KIF20B: variants seen among roughly 807,000 people sequenced by gnomAD.
The protein encoded by KIF20B is kinesin-like protein KIF20B.
Under a neutral mutation model 232.5 loss-of-function variants are expected in KIF20B, and 188 were observed. The ratio of observed to expected loss-of-function variants is 0.81; its 90% CI spans 0.72 to 0.91. The LOEUF is 0.91. Among genes scored for constraint, KIF20B ranks in the 40% least tolerant of loss-of-function variants. KIF20B has a pLI of 0.00. For missense variants in KIF20B, 2,154 were observed against 2,055.9 expected (o/e 1.05, Z -0.92); for synonymous variants, 712 against 683.0 (o/e 1.04, Z -0.66).
chr10:89,746,030 G>GAA, intron 23 of KIF20B, 71 bp downstream of exon 23: 1 of 1,103,672 alleles, frequency 9.1e-7, no homozygotes, highest in Non-Finnish European at 1.4e-6. Context: ...TGCGATGGGG[G>GAA]TATGACTTGC....
At position 89,709,331 on chromosome 10, in the gene KIF20B, G is replaced by A; in HGVS notation, c.235-14G>A. On this transcript the variant is annotated splice_polypyrimidine_tract_variant and intron_variant, in intron 3 of 32. Transcript: ENST00000371728. The stretch of plus-strand genomic sequence containing the variant: ...AAAATACTAGTTTTTATTTATTGGG[G>A]GTATGTTTTCTAGGGCTGTGTGCAT... The A allele has an allele frequency of 6.3e-7, 1 of 1,599,414 alleles. No individual in the cohort carries two copies. Among genetic ancestry groups the A allele is most frequent in the Non-Finnish European group, 8.5e-7 (1 of 1,169,786 alleles).
At chr10:89,746,914 A>G (rs1589873144) in intron 23 of KIF20B, among the ~76,000 whole-genome samples, 1 of 152,266 alleles carries the variant, frequency 6.6e-6, no homozygotes, top group Non-Finnish European at 1.5e-5. Flanking sequence ...GAAAAATAAA[A>G]TAAGTAGTCA....
Position 89,717,438 on chromosome 10 carries a change from C to G in KIF20B, c.1067C>G (p.Thr356Ser). Reference sequence around the variant, plus strand: ...TTGTATTTCAGTCACAGCATATTCACTGTTAAAATATTACAGATTGAAGAT... The same window carrying G: ...TTGTATTTCAGTCACAGCATATTCAGTGTTAAAATATTACAGATTGAAGAT... ...NASSRSHSIFTVKILQIEDSE... is the reference protein window; with the variant it reads ...NASSRSHSIFSVKILQIEDSE... Residue 356 changes from threonine (T) to serine (S), a missense_variant, in exon 10 of 33, where the codon ACT becomes AGT. Transcript: ENST00000371728. The G allele has an allele frequency of 1.3e-6, 2 of 1,584,672 alleles. No individual in the cohort carries two copies. The highest frequency in any genetic ancestry group is 1.7e-6 in the Non-Finnish European group (2 of 1,157,002).
At chr10:89,726,707 G>C (rs982548318) in intron 16 of KIF20B, among the ~76,000 whole-genome samples, 186 bp downstream of exon 16, 1 of 151,832 alleles carries the variant, frequency 6.6e-6, no homozygotes, top group African/African-American at 2.4e-5. Context: ...AATATTTTTT[G>C]ACTTCCATTT....
chr10:89,738,299 C>G lies in KIF20B; in HGVS notation c.3458C>G (p.Thr1153Arg). Reference protein sequence around the residue: ...VEGKRALSELTQGVTCYKAKI... With the variant: ...VEGKRALSELRQGVTCYKAKI... The stretch of plus-strand genomic sequence containing the variant: ...GGAAAGAGAGCGCTTTCAGAACTTA[C>G]ACAAGGTGTTACTTGCTATAAGGCA... Residue 1153 changes from threonine (T) to arginine (R), a missense_variant, in exon 20 of 33, where the codon ACA (threonine) becomes AGA (arginine). Physicochemically the swap from Thr to Arg is moderately conservative, Grantham distance 71. Transcript: ENST00000371728. 6.2e-7 allele frequency: 1 copy of G among 1,612,016 alleles called. No homozygotes were observed.
Position 89,717,718 on chromosome 10 carries a change from T to G in KIF20B, c.1267T>G (p.Ser423Ala), listed in dbSNP as rs1303499097. The G allele has an allele frequency of 6.3e-7, 1 of 1,585,216 alleles. No homozygotes were observed. The highest frequency in any genetic ancestry group is 8.6e-7 in the Non-Finnish European group (1 of 1,166,312). The change falls in exon 11 of 33, where the codon TCA becomes GCA. Residue 423 changes from serine (S) to alanine (A), a missense_variant. By Grantham distance (99) the Ser-to-Ala change is moderately conservative. Coordinates refer to ENST00000371728, the MANE Select transcript of KIF20B (RefSeq NM_001284259.2). ...CINVLKNSEK[S>A]KFQQHVPFRE... Reference sequence around the variant, plus strand: ...TAACGTCTTGAAGAATAGTGAAAAGTCAAAGTAAGTGTTTCTGAAAGTGTT... The same window carrying G: ...TAACGTCTTGAAGAATAGTGAAAAGGCAAAGTAAGTGTTTCTGAAAGTGTT...
intron 15 of KIF20B, among the ~76,000 whole-genome samples, chr10:89,726,085 C>T (rs8181406): frequency 0.25 from 37,252 of 151,916 alleles, 4,696 homozygotes; most frequent in African/African-American, 0.3. Context: ...TGTTTTTATG[C>T]GAAAATATGC....
intron 29 of KIF20B, among the ~76,000 whole-genome samples, chr10:89,766,879 TA>T (rs1564676558): frequency 6.6e-6 from 1 of 152,016 alleles, no homozygotes; most frequent in Non-Finnish European, 1.5e-5. Flanking sequence ...AAAATAACAT[TA>T]AAACACTGAG....
chr10:89,743,843 G>T lies in KIF20B; in HGVS notation c.3951G>T (p.Arg1317Ser). Residue 1317 changes from arginine to serine, a missense_variant, in exon 22 of 33, where the codon AGG (arginine) becomes AGT (serine). Arg to Ser is a moderately radical substitution (Grantham distance 110, BLOSUM62 -1). Transcript: ENST00000371728. Reference protein sequence around the residue: ...SVMRDEDKLLRIKINELEKKK... With the variant: ...SVMRDEDKLLSIKINELEKKK... ...TGCGTGATGAGGATAAATTACTGAG[G>T]ATTAAAATTAATGAACTGGAGAAAA... 1.3e-6 allele frequency: 2 copies of T among 1,551,290 alleles called. No homozygotes were observed. The highest frequency in any genetic ancestry group is 1.4e-5 in the African/African-American group (1 of 72,534).
chr10:89,743,681 T>C (rs1841851945), intron 21 of KIF20B, 127 bp from the exon 22 acceptor site: 7 of 538,864 alleles, frequency 1.3e-5, no homozygotes, highest in Non-Finnish European at 1.9e-5. Context: ...TATATTAAAA[T>C]CTGTCATTTT....
chr10:89,743,607 A>C (rs946215632), intron 21 of KIF20B, among the ~76,000 whole-genome samples: 7 of 152,206 alleles, frequency 4.6e-5, no homozygotes, highest in African/African-American at 1.7e-4. Context: ...TTTCATATGC[A>C]TTCTTCATTA....
At chr10:89,752,075 T>A (rs1156509373) in intron 24 of KIF20B, among the ~76,000 whole-genome samples, 4 of 152,066 alleles carry the variant, frequency 2.6e-5, no homozygotes, top group Non-Finnish European at 4.4e-5. Flanking sequence ...ATTCTTTTTT[T>A]AAAATCATCT....
chr10:89,752,038 A>G (rs1842031071), intron 24 of KIF20B, among the ~76,000 whole-genome samples: 1 of 152,084 alleles, frequency 6.6e-6, no homozygotes, highest in Non-Finnish European at 1.5e-5. Flanking sequence ...GCTGATGATG[A>G]TAATGCCATA....
At chr10:89,725,816 G>C (rs1447226539) in intron 15 of KIF20B, among the ~76,000 whole-genome samples, 1 of 152,086 alleles carries the variant, frequency 6.6e-6, no homozygotes, top group African/African-American at 2.4e-5. Context: ...AGTTTTTTGG[G>C]GGAGTTGGTT....
chr10:89,754,768 T>C, intron 26 of KIF20B, 95 bp downstream of exon 26: 1 of 1,074,294 alleles, frequency 9.3e-7, no homozygotes, highest in Non-Finnish European at 1.3e-6. Context: ...GGTTTTCTGT[T>C]TTTGGTTTTT....
chr10:89,714,617 G>A (rs11185855), intron 7 of KIF20B, among the ~76,000 whole-genome samples: 47,450 of 151,986 alleles, frequency 0.31, 8,379 homozygotes, highest in African/African-American at 0.47. Context: ...CAGTCATTGT[G>A]ATGTTTCGTT....
chr10:89,734,917 A>G (rs1048439350), intron 19 of KIF20B, among the ~76,000 whole-genome samples: 2 of 152,206 alleles, frequency 1.3e-5, no homozygotes, highest in African/African-American at 2.4e-5. Context: ...AGAAATTTTC[A>G]AAAATAATAC....
intron 1 of KIF20B, among the ~76,000 whole-genome samples, chr10:89,704,321 A>G (rs1842677777): frequency 6.6e-6 from 1 of 152,164 alleles, no homozygotes. Flanking sequence ...TTGTACATCT[A>G]GTAGATTCTC....
At chr10:89,729,333 A>G in intron 18 of KIF20B, 86 bp downstream of exon 18, 1 of 1,213,238 alleles carries the variant, frequency 8.2e-7, no homozygotes, top group Non-Finnish European at 1.1e-6. Context: ...AGCTTATGCA[A>G]CTAAGACTAA....
Sources: allele counts gnomAD v4.1 joint callset (sites outside exome capture counted in the v4.1 genomes callset), GRCh38; gene constraint gnomAD v4.1.1; transcripts MANE v1.5; gene names NCBI Gene and HGNC (gene_info 2026-07-23, HGNC 2026-07-21).